Variants in CORO7 observed in about 807,000 individuals in gnomAD.
CORO7 encodes coronin 7, also known as coronin-7.
Under a neutral mutation model 126.6 loss-of-function variants are expected in CORO7, and 107 were observed. The ratio of observed to expected loss-of-function variants is 0.85; its 90% CI spans 0.72 to 0.99. CORO7 has a LOEUF of 0.99. Among genes scored for constraint, CORO7 ranks in the 50% least tolerant of loss-of-function variants. The pLI is 0.00. For missense variants in CORO7, 1,314 were observed against 1,255.8 expected, an observed-to-expected ratio of 1.05 and a Z score of -0.70; for synonymous variants, 603 against 536.8, an observed-to-expected ratio of 1.12 and a Z score of -1.70.
In CORO7 at chr16:4,362,660, T is replaced by C. The variant is rs1166631237; in HGVS notation, c.1354A>G (p.Ser452Gly). 2.6e-6 allele frequency: 4 copies of C among 1,547,368 alleles called. No individual in the cohort carries two copies. In the South Asian group the frequency reaches 3.6e-5, roughly 14 times the overall value. ...SSLGPSLSST[S>G]GIGTSPSLRS... ...AAACTGGGGCTGGTCCCGATGCCAC[T>C]GGTGCTGGAGAGTGAGGGCCCCAGG... The change falls in exon 15 of 28, where the codon AGT (serine) becomes GGT (glycine). Residue 452 changes from serine (S) to glycine (G), a missense_variant. By Grantham distance (56) the Ser-to-Gly change is moderately conservative (BLOSUM62 0). Transcript: ENST00000251166. This position sits in a 1 kb window ranked among gnomAD's most constrained non-coding sequence, Gnocchi z 5.3.
At chr16:4,395,469 A>C in intron 6 of CORO7, 130 bp from the exon 7 acceptor site, 1 of 1,156,920 alleles carries the variant, frequency 8.6e-7, no homozygotes, top group Non-Finnish European at 1.2e-6. Context: ...CTGCCATCAC[A>C]CACCAGGGCA....
At chr16:4,383,848 GGGTT>G (rs2141254033) in intron 9 of CORO7, among the ~76,000 whole-genome samples, 1 of 152,358 alleles carries the variant, frequency 6.6e-6, no homozygotes, top group East Asian at 1.9e-4. Flanking sequence ...AGTCCCTTGT[GGGTT>G]GGTCTGATGG....
chr16:4,387,105 C>T (rs563522184), intron 9 of CORO7, among the ~76,000 whole-genome samples: 2 of 152,328 alleles, frequency 1.3e-5, no homozygotes, highest in African/African-American at 4.8e-5. Context: ...TTATAAGTCA[C>T]GGTTGAAGTT....
intron 9 of CORO7, chr16:4,383,131 C>T (rs1334920066): frequency 1.1e-5 from 6 of 528,548 alleles, no homozygotes; most frequent in Middle Eastern, 5.1e-4. Context: ...CCTATGAGGA[C>T]AGTGTCCGCC....
At chr16:4,408,955 C>T (rs1281818759) in intron 3 of CORO7, among the ~76,000 whole-genome samples, 1 of 152,124 alleles carries the variant, frequency 6.6e-6, no homozygotes, top group African/African-American at 2.4e-5. Flanking sequence ...AGAGCCAGAC[C>T]TTGTCTCAAA....
chr16:4,412,308 G>C (rs756727080), intron 3 of CORO7, 48 bp downstream of exon 3: 1 of 1,602,962 alleles, frequency 6.2e-7, no homozygotes, highest in East Asian at 2.2e-5. Context: ...GCCCTGGAGA[G>C]GGAGGTGCAA....
At chr16:4,392,639 G>C (rs2055435037) in intron 7 of CORO7, among the ~76,000 whole-genome samples, 1 of 152,206 alleles carries the variant, frequency 6.6e-6, no homozygotes, top group Admixed American at 6.5e-5. Context: ...CTGACCCCCA[G>C]CCACACCCCA....
At chr16:4,357,116 G>C (rs1013127348) in intron 26 of CORO7, 52 bp downstream of exon 26, 8 of 1,608,978 alleles carry the variant, frequency 5.0e-6, no homozygotes, top group Admixed American at 3.3e-5. Context: ...GCCGTGGCCA[G>C]GTGCAGCCAG....
intron 9 of CORO7, chr16:4,383,004 G>A: frequency 7.9e-7 from 1 of 1,259,194 alleles, no homozygotes. Context: ...CCTCGGGGAT[G>A]TGTGCAGACA....
intron 3 of CORO7, among the ~76,000 whole-genome samples, chr16:4,410,852 T>C (rs1016128126): frequency 7.9e-5 from 12 of 152,184 alleles, no homozygotes; most frequent in African/African-American, 2.9e-4. Context: ...TATACATCAA[T>C]GAATGGGCGT....
At chr16:4,415,775 G>C in intron 1 of CORO7, 1 of 985,628 alleles carries the variant, frequency 1.0e-6, no homozygotes. Flanking sequence ...CCCCTCATCA[G>C]TCCTCCTGCC....
intron 9 of CORO7, chr16:4,381,159 G>T (rs376654023): frequency 1.2e-6 from 2 of 1,611,306 alleles, no homozygotes; most frequent in African/African-American, 2.7e-5. Context: ...TGCCCAGCGG[G>T]GTCTTCCAGC....
intron 26 of CORO7, 176 bp from the exon 27 acceptor site, chr16:4,355,548 A>G (rs1356320753): frequency 1.5e-6 from 1 of 655,920 alleles, no homozygotes; most frequent in East Asian, 2.8e-5. Flanking sequence ...GGCTCACTGC[A>G]AGCTCTGCCT....
intron 6 of CORO7, among the ~76,000 whole-genome samples, chr16:4,401,329 C>T (rs1396291160): frequency 1.3e-5 from 2 of 152,210 alleles, no homozygotes; most frequent in African/African-American, 2.4e-5. Context: ...CGTGGGCACA[C>T]GCATGGCTGG....
intron 9 of CORO7, among the ~76,000 whole-genome samples, chr16:4,367,763 C>T (rs943834247): frequency 2.0e-5 from 3 of 152,136 alleles, no homozygotes; most frequent in African/African-American, 7.2e-5. Flanking sequence ...ATGTGCCTGA[C>T]AGCCTGGACA....
At position 4,362,503 on chromosome 16, in the gene CORO7, T is replaced by A; in HGVS notation, c.1402+109A>T. 6.9e-7 allele frequency: 1 copy of A among 1,439,156 alleles called. No individual in the cohort carries two copies. Among genetic ancestry groups the A allele is most frequent in the African/African-American group, 1.4e-5 (1 of 69,592 alleles). The allele number at this position is 1,439,156 out of a possible 1,614,324, so 89.1% of individuals were successfully genotyped here. A position where few individuals can be genotyped will look rare whatever the true frequency, so the allele number is the denominator to read the frequency against. On this transcript the variant is annotated intron_variant, in intron 15 of 27. Transcript: ENST00000251166. The surrounding 1 kb of genome is among the most constrained non-coding windows in gnomAD (Gnocchi z 5.3). ...TGCCAGTGAGTCTGGGTGAGGGGGG[T>A]GCCCTGCATGAGGCCTGTGCTCAGC...
rs2054029303 is a variant in CORO7 at position 4,357,859 on chromosome 16, A to T, written c.2593+109T>A. On this transcript the variant is annotated intron_variant, in intron 25 of 27. Transcript: ENST00000251166. ...TGACACAGCCACTCCACCCTCCCAAAGGCCAGAGGATTCTGCGTGCCAACA... is the reference window on the plus strand; with the variant it reads ...TGACACAGCCACTCCACCCTCCCAATGGCCAGAGGATTCTGCGTGCCAACA... 2.0e-6 allele frequency: 3 copies of T among 1,498,018 alleles called. No individual in the cohort carries two copies. In the African/African-American group the frequency reaches 4.2e-5, roughly 21 times the overall value. 92.8% of individuals were successfully genotyped at this position (1,498,018 alleles called of 1,614,324 possible). A position where few individuals can be genotyped will look rare whatever the true frequency, so the allele number is the denominator to read the frequency against.
At chr16:4,372,162 TC>T (rs1348737031) in intron 9 of CORO7, among the ~76,000 whole-genome samples, 3 of 151,420 alleles carry the variant, frequency 2.0e-5, no homozygotes, top group African/African-American at 7.3e-5. Context: ...CCCTGTACGC[TC>T]CCTCCCCCGC....
At chr16:4,361,122 G>A in intron 18 of CORO7, 37 bp from the exon 19 acceptor site, 1 of 1,613,330 alleles carries the variant, frequency 6.2e-7, no homozygotes, top group Non-Finnish European at 8.5e-7. Flanking sequence ...GCCCTTGGGA[G>A]ACACTGGCCA....
Sources: gnomAD v4.1 joint callset for allele counts (sites outside exome capture counted in the v4.1 genomes callset) on GRCh38, gnomAD v4.1.1 for gene constraint, Gnocchi (gnomAD v3.1) non-coding constraint, MANE v1.5 for transcripts, NCBI Gene and HGNC (gene_info 2026-07-23, HGNC 2026-07-21) for gene names.